Variants in WASL observed in about 807,000 individuals in gnomAD.
The protein encoded by WASL is actin nucleation-promoting factor WASL.
WASL carries 20 observed loss-of-function variants against 55.5 expected under a neutral mutation model. That is an observed-to-expected ratio of 0.36 (90% CI 0.25 to 0.52). The LOEUF (loss-of-function observed/expected upper bound fraction) is 0.52, where lower values mean the gene tolerates loss of function less well. WASL is among the 20% of genes least tolerant of loss of function. WASL has a pLI of 0.92. For missense variants in WASL, 504 were observed against 622.5 expected (o/e 0.81, Z 2.03); for synonymous variants, 249 against 217.6 (o/e 1.14, Z -1.27).
At chr7:123,733,825 T>C (rs745606932) in intron 1 of WASL, among the ~76,000 whole-genome samples, 1 of 149,432 alleles carries the variant, frequency 6.7e-6, no homozygotes, top group Non-Finnish European at 1.5e-5. Flanking sequence ...TGCAGTCAAA[T>C]GATCTTTGAC....
At chr7:123,740,529 T>TACAGCA (rs1804322235) in intron 1 of WASL, among the ~76,000 whole-genome samples, 1 of 152,214 alleles carries the variant, frequency 6.6e-6, no homozygotes, top group African/African-American at 2.4e-5. Context: ...AAATACTTAA[T>TACAGCA]ACAGCAGGTC....
intron 1 of WASL, among the ~76,000 whole-genome samples, chr7:123,747,834 G>C (rs1040078173): frequency 6.6e-6 from 1 of 152,014 alleles, no homozygotes; most frequent in African/African-American, 2.4e-5. Flanking sequence ...AGAACTGCTC[G>C]CTCCCAACCG....
rs371404957 is a variant in WASL, at chr7:123,684,515, T to C, written c.*4A>G. On this transcript the variant is annotated 3_prime_UTR_variant, in exon 11 of 11. Transcript: ENST00000223023. Reference sequence around the variant, plus strand: ...AAAATATATATATATATATAATATATAGATCAGTCTTCCCACTCATCATCA... The same window carrying C: ...AAAATATATATATATATATAATATACAGATCAGTCTTCCCACTCATCATCA... 15 of 791,772 alleles carry C rather than the reference T, an allele frequency of 1.9e-5. 1 individual carries two copies. In the African/African-American group the frequency reaches 2.1e-4, roughly 11 times the overall value. 49.0% of individuals were successfully genotyped at this position (791,772 alleles called of 1,614,324 possible).
At chr7:123,747,040 A>T (rs1804444090) in intron 1 of WASL, among the ~76,000 whole-genome samples, 1 of 152,212 alleles carries the variant, frequency 6.6e-6, no homozygotes, top group Non-Finnish European at 1.5e-5. Flanking sequence ...AGAATCTTGT[A>T]TTTTAATTAG....
At chr7:123,721,018 A>G (rs1477233812) in intron 1 of WASL, among the ~76,000 whole-genome samples, 1 of 152,210 alleles carries the variant, frequency 6.6e-6, no homozygotes, top group South Asian at 2.1e-4. Context: ...TTAAAAATAA[A>G]CATTGCTGAA....
chr7:123,708,181 AAACAAC>A (rs144814256), intron 2 of WASL, among the ~76,000 whole-genome samples: 14 of 151,308 alleles, frequency 9.3e-5, no homozygotes, highest in African/African-American at 2.7e-4. Context: ...CCCTGTCTCA[AAACAAC>A]AACAACAACA....
Position 123,709,204 on chromosome 7 carries a change from A to G in WASL, c.137T>C (p.Val46Ala). 6.2e-7 allele frequency: 1 copy of G among 1,609,028 alleles called. No individual in the cohort carries two copies. Among genetic ancestry groups the G allele is most frequent in the Non-Finnish European group, 8.5e-7 (1 of 1,177,316 alleles). ...KKCVTMSSAV[V>A]QLYAADRNCM... ...GTTCCGATCTGCTGCATATAACTGC[A>G]CCACTGCTGAAGACATAGTCTGCAA... is the stretch of plus-strand genomic sequence containing the variant. The change falls in exon 2 of 11, where the codon GTG becomes GCG. Residue 46 changes from valine (V) to alanine (A), a missense_variant. Transcript: ENST00000223023.
intron 1 of WASL, among the ~76,000 whole-genome samples, chr7:123,732,206 T>G (rs892643259): frequency 6.6e-6 from 1 of 152,060 alleles, no homozygotes; most frequent in African/African-American, 2.4e-5. Flanking sequence ...GGCGGACGCC[T>G]GTAGTCCCGG....
intron 9 of WASL, 37 bp from the exon 10 acceptor site, chr7:123,689,187 CT>C: frequency 1.3e-6 from 2 of 1,552,226 alleles, no homozygotes; most frequent in Non-Finnish European, 1.8e-6. Flanking sequence ...AGTAATAAAT[CT>C]TTAGCCAAGA....
At chr7:123,697,622 G>A (rs1404579459) in intron 5 of WASL, among the ~76,000 whole-genome samples, 1 of 152,180 alleles carries the variant, frequency 6.6e-6, no homozygotes, top group African/African-American at 2.4e-5. Context: ...CCTCTGAGGT[G>A]ACTACATTAA....
rs143229620 is a variant in WASL at position 123,689,171 on chromosome 7, A to C, written c.1348-21T>G. On this transcript the variant is annotated intron_variant, in intron 9 of 10. Coordinates refer to ENST00000223023, the MANE Select transcript of WASL (RefSeq NM_003941.4). Reference sequence around the variant, plus strand: ...GCCACCTTGGAAAAGAAAGTTAGCAAAACTCAGTAATAAATCTTTAGCCAA... The same window carrying C: ...GCCACCTTGGAAAAGAAAGTTAGCACAACTCAGTAATAAATCTTTAGCCAA... The C allele has an allele frequency of 1.9e-3, 2,995 of 1,591,324 alleles. 2 individuals are homozygous for C. The highest frequency in any genetic ancestry group is 2.2e-3 in the Non-Finnish European group (2,542 of 1,160,100).
At chr7:123,695,125 T>C (rs1357495419) in intron 7 of WASL, among the ~76,000 whole-genome samples, 1 of 152,074 alleles carries the variant, frequency 6.6e-6, no homozygotes, top group African/African-American at 2.4e-5. Context: ...GATTCAGACA[T>C]CTCCAATGCT....
intron 6 of WASL, among the ~76,000 whole-genome samples, chr7:123,696,246 C>T (rs146977265): frequency 1.3e-5 from 2 of 151,902 alleles, no homozygotes; most frequent in African/African-American, 4.8e-5. Context: ...TGCCCCTAGG[C>T]AGTATCTGTA....
At position 123,700,727 on chromosome 7, in the gene WASL, C is replaced by T. The variant is rs536891599; in HGVS notation, c.460+3907G>A. Among the ~76,000 whole-genome samples the T allele has an allele frequency of 7.2e-5, 11 of 152,284 alleles. No individual in the cohort carries two copies. The East Asian group carries it at 7.7e-4, about 11-fold the overall frequency. On this transcript the variant is annotated intron_variant, in intron 5 of 10. Transcript: ENST00000223023. ...TGTTGGGATTACAGGCGTGAGCCAC[C>T]GTGCCCGGCCAACTATTCTACCTCT...
At chr7:123,736,529 G>A (rs556829251) in intron 1 of WASL, among the ~76,000 whole-genome samples, 50 of 152,200 alleles carry the variant, frequency 3.3e-4, no homozygotes, top group African/African-American at 1.0e-3. Context: ...CATAATAGTC[G>A]GTAGGGCTAC....
At chr7:123,717,266 C>T (rs1021911608) in intron 1 of WASL, among the ~76,000 whole-genome samples, 2 of 152,300 alleles carry the variant, frequency 1.3e-5, no homozygotes, top group African/African-American at 4.8e-5. Context: ...AAGAGGTGAA[C>T]TTACCATGAA....
At chr7:123,720,333 C>A (rs1156510407) in intron 1 of WASL, 2 of 425,076 alleles carry the variant, frequency 4.7e-6, no homozygotes, top group Admixed American at 2.7e-5. Flanking sequence ...AAATAGGATA[C>A]CATACAGCTG....
chr7:123,719,636 G>C (rs1803902860), intron 1 of WASL, among the ~76,000 whole-genome samples: 2 of 152,172 alleles, frequency 1.3e-5, no homozygotes, highest in Admixed American at 6.5e-5. Flanking sequence ...CTGCAACCTT[G>C]TTATCAGTAT....
At chr7:123,686,276 T>C (rs1174888771) in intron 10 of WASL, among the ~76,000 whole-genome samples, 4 of 152,016 alleles carry the variant, frequency 2.6e-5, no homozygotes, top group Non-Finnish European at 5.9e-5. Context: ...AGGAGTTCAA[T>C]TGAGTCATGT....
Sources: gnomAD v4.1 joint callset for allele counts (sites outside exome capture counted in the v4.1 genomes callset) on GRCh38, gnomAD v4.1.1 for gene constraint, MANE v1.5 for transcripts, NCBI Gene and HGNC (gene_info 2026-07-23, HGNC 2026-07-21) for gene names.